The following PHAF1 variants were observed in gnomAD, a reference collection of about 807,000 sequenced individuals.
PHAF1 encodes phagophore assembly factor 1, also known as phagosome assembly factor 1.
Under a neutral mutation model 63.1 loss-of-function variants are expected in PHAF1, and 23 were observed. That is an observed-to-expected ratio of 0.36 (90% CI 0.26 to 0.52). PHAF1 has a LOEUF of 0.52. Ranked by LOEUF, PHAF1 falls within the 20% of genes least tolerant of loss-of-function variation. The probability of loss-of-function intolerance (pLI) is 0.93; values close to 1 mark genes in which losing one functional copy is unlikely to be tolerated. For missense variants in PHAF1, 427 were observed against 517.2 expected (o/e 0.83, Z 1.69); for synonymous variants, 167 against 185.0 (o/e 0.90, Z 0.79).
chr16:67,141,685 C>T (rs989274714), intron 10 of PHAF1, among the ~76,000 whole-genome samples: 7 of 152,230 alleles, frequency 4.6e-5, no homozygotes, highest in African/African-American at 9.6e-5. Context: ...AGCATAGGCA[C>T]CAGCTCCACG....
chr16:67,147,433 A>G lies in PHAF1; in HGVS notation c.*302A>G. ...AACTAACAAGGAGGCAGGAGAGGTCAACCCTTGTCCCATGCACATTGGGAA... is the reference window on the plus strand; with the variant it reads ...AACTAACAAGGAGGCAGGAGAGGTCGACCCTTGTCCCATGCACATTGGGAA... On this transcript the variant is annotated 3_prime_UTR_variant, in exon 16 of 16. Transcript: ENST00000219139. 1 of 417,918 alleles carries G rather than the reference A, an allele frequency of 2.4e-6. No homozygotes were observed. The highest frequency in any genetic ancestry group is 4.3e-6 in the Non-Finnish European group (1 of 230,600). 25.9% of individuals were successfully genotyped at this position (417,918 alleles called of 1,614,324 possible). A position where few individuals can be genotyped will look rare whatever the true frequency, so the allele number is the denominator to read the frequency against.
At chr16:67,133,189 C>T (rs769504252) in intron 6 of PHAF1, among the ~76,000 whole-genome samples, 5 of 152,182 alleles carry the variant, frequency 3.3e-5, no homozygotes, top group Non-Finnish European at 5.9e-5. Flanking sequence ...TATTTTCAAG[C>T]TCCTAATCAA....
At chr16:67,126,595 G>GTTTTTTTTTTTTTTTTTTTT (rs60445297) in intron 3 of PHAF1, among the ~76,000 whole-genome samples, 5 of 134,204 alleles carry the variant, frequency 3.7e-5, no homozygotes, top group African/African-American at 1.4e-4. Context: ...TTTGTTTTTG[G>GTTTTTTTTTTTTTTTTTTTT]TTTTTTTTTT....
chr16:67,121,296 A>G (rs1370371018), intron 2 of PHAF1, among the ~76,000 whole-genome samples: 2 of 148,636 alleles, frequency 1.3e-5, no homozygotes, highest in African/African-American at 5.0e-5. Flanking sequence ...TTCACCCGCC[A>G]TTCTCCTGCC....
chr16:67,124,997 G>C (rs371819199), intron 2 of PHAF1, among the ~76,000 whole-genome samples: 2 of 152,126 alleles, frequency 1.3e-5, no homozygotes, highest in East Asian at 1.9e-4. Flanking sequence ...CTATTGGGCA[G>C]CCTCAATCAG....
intron 14 of PHAF1, among the ~76,000 whole-genome samples, 165 bp downstream of exon 14, chr16:67,145,793 G>C (rs1412297223): frequency 6.6e-6 from 1 of 152,224 alleles, no homozygotes; most frequent in Non-Finnish European, 1.5e-5. Flanking sequence ...TGAGTCAACT[G>C]TTCTGTGTGT....
intron 14 of PHAF1, 115 bp downstream of exon 14, chr16:67,145,743 G>A: frequency 9.0e-7 from 1 of 1,105,798 alleles, no homozygotes; most frequent in South Asian, 1.5e-5. Flanking sequence ...TTCTGATATT[G>A]CCACAAGCAT....
intron 2 of PHAF1, among the ~76,000 whole-genome samples, chr16:67,123,126 A>G (rs1597192510): frequency 6.9e-6 from 1 of 144,776 alleles, no homozygotes; most frequent in East Asian, 2.0e-4. Context: ...TTGCTCTGTC[A>G]CCAATTCTGG....
chr16:67,116,098 A>T (rs1425215746), intron 1 of PHAF1, among the ~76,000 whole-genome samples: 1 of 152,120 alleles, frequency 6.6e-6, no homozygotes, highest in Non-Finnish European at 1.5e-5. Context: ...CTGCACGTGG[A>T]TGTTTGTCCA....
In PHAF1 at chr16:67,147,291, G is replaced by A; in HGVS notation, c.*160G>A. On this transcript the variant is annotated 3_prime_UTR_variant, in exon 16 of 16. Coordinates refer to ENST00000219139, the MANE Select transcript of PHAF1 (RefSeq NM_025187.5). ...GGCTCAGGCTGGGTGCTCTGCCATG[G>A]GCTGAGTGGCCCAGATATTCTTCTG... 1.6e-6 allele frequency: 1 copy of A among 630,126 alleles called. No homozygotes were observed. The highest frequency in any genetic ancestry group is 2.7e-6 in the Non-Finnish European group (1 of 364,012). The allele number at this position is 630,126 out of a possible 1,614,324, so 39.0% of individuals were successfully genotyped here. A position where few individuals can be genotyped will look rare whatever the true frequency, so the allele number is the denominator to read the frequency against.
Position 67,147,148 on chromosome 16 carries a change from G to T in PHAF1, c.*17G>T, listed in dbSNP as rs570497017. On this transcript the variant is annotated 3_prime_UTR_variant, in exon 16 of 16. Transcript: ENST00000219139. Reference sequence around the variant, plus strand: ...CTCCCCTAGGGACACCACCACCCATGCCCCTCTGTCCCGTGGAACTGTGCA... The same window carrying T: ...CTCCCCTAGGGACACCACCACCCATTCCCCTCTGTCCCGTGGAACTGTGCA... 1.3e-6 allele frequency: 2 copies of T among 1,592,416 alleles called. No homozygotes were observed. Among genetic ancestry groups the T allele is most frequent in the South Asian group, 2.2e-5 (2 of 90,548 alleles).
rs773342582 is a variant in PHAF1, at chr16:67,144,908, G to A, written c.1006+31G>A. ...TAGTGAAAGCTCTCAGGGTAAGGGA[G>A]GGGTTTTAGAGTCTGTTTTCCACTA... is the stretch of plus-strand genomic sequence containing the variant. On this transcript the variant is annotated intron_variant, in intron 12 of 15. Coordinates refer to ENST00000219139, the MANE Select transcript of PHAF1 (RefSeq NM_025187.5). The A allele has an allele frequency of 5.0e-5, 81 of 1,607,832 alleles. No homozygotes were observed. The South Asian group carries it at 8.8e-4, about 17-fold the overall frequency.
At chr16:67,111,136 A>G (rs903100977) in intron 1 of PHAF1, among the ~76,000 whole-genome samples, 2 of 152,162 alleles carry the variant, frequency 1.3e-5, no homozygotes, top group African/African-American at 2.4e-5. Flanking sequence ...CTTTTGAAAT[A>G]TAGTCTGTAT....
intron 1 of PHAF1, among the ~76,000 whole-genome samples, chr16:67,112,349 G>A (rs1166643991): frequency 7.2e-6 from 1 of 138,090 alleles, no homozygotes; most frequent in Non-Finnish European, 1.5e-5. Context: ...TTCAAGACCA[G>A]CCTAGGCAAC....
At chr16:67,112,660 C>T (rs545225517) in intron 1 of PHAF1, among the ~76,000 whole-genome samples, 1 of 152,340 alleles carries the variant, frequency 6.6e-6, no homozygotes, top group African/African-American at 2.4e-5. Context: ...ACTCCTAGCT[C>T]TGCTAGTTTC....
In PHAF1 at chr16:67,132,883, A is replaced by T. The variant is rs1413982809; in HGVS notation, c.422A>T (p.Asp141Val). ...FRGLSFSFQL[D>V]SWTEAPKYEP... is the part of the protein sequence containing the mutation. Reference sequence around the variant, plus strand: ...GGACTGTCTTTCTCTTTTCAGTTAGACTCATGGACTGAGGCTCCAAAGTAT... The same window carrying T: ...GGACTGTCTTTCTCTTTTCAGTTAGTCTCATGGACTGAGGCTCCAAAGTAT... The change falls in exon 6 of 16, where the codon GAC (aspartate) becomes GTC (valine). Residue 141 changes from aspartate to valine, a missense_variant. Asp to Val is a radical substitution (Grantham distance 152, BLOSUM62 -3). Transcript: ENST00000219139. 1.9e-6 allele frequency: 3 copies of T among 1,612,384 alleles called. No homozygotes were observed. Among genetic ancestry groups the T allele is most frequent in the Admixed American group, 3.3e-5 (2 of 59,964 alleles).
At chr16:67,125,424 T>C (rs550672567) in intron 2 of PHAF1, among the ~76,000 whole-genome samples, 2 of 152,306 alleles carry the variant, frequency 1.3e-5, no homozygotes, top group Admixed American at 1.3e-4. Flanking sequence ...ACAATATATT[T>C]CTTTGTCCTA....
intron 1 of PHAF1, among the ~76,000 whole-genome samples, chr16:67,114,865 A>G (rs1223280401): frequency 6.6e-6 from 1 of 151,972 alleles, no homozygotes; most frequent in Non-Finnish European, 1.5e-5. Flanking sequence ...GACTTGAGAA[A>G]CTCTGTATGA....
At chr16:67,110,332 G>T in intron 1 of PHAF1, 93 bp downstream of exon 1, 5 of 1,378,100 alleles carry the variant, frequency 3.6e-6, no homozygotes, top group Non-Finnish European at 4.0e-6. Context: ...ACGCCCCTGC[G>T]CCCGCAGCTC....
Sources: gnomAD v4.1 joint callset for allele counts (sites outside exome capture counted in the v4.1 genomes callset) on GRCh38, gnomAD v4.1.1 for gene constraint, MANE v1.5 for transcripts, NCBI Gene and HGNC (gene_info 2026-07-23, HGNC 2026-07-21) for gene names.